SYNPR: variants seen among roughly 807,000 people sequenced by gnomAD.
SYNPR encodes synaptoporin.
In SYNPR, 23 loss-of-function variants were observed where a neutral mutation model predicts 32.9. That is an observed-to-expected ratio of 0.70 (90% confidence interval 0.50 to 0.99). The LOEUF (loss-of-function observed/expected upper bound fraction) is 0.99, where lower values mean the gene tolerates loss of function less well. Ranked by LOEUF, SYNPR falls within the 50% of genes least tolerant of loss-of-function variation. SYNPR has a pLI of 0.00. For missense variants in SYNPR, 318 were observed against 349.3 expected (o/e 0.91, Z 0.71); for synonymous variants, 146 against 135.9 (o/e 1.07, Z -0.52).
At chr3:63,370,947 G>C (rs920391012) in intron 2 of SYNPR, among the ~76,000 whole-genome samples, 2 of 152,170 alleles carry the variant, frequency 1.3e-5, no homozygotes, top group African/African-American at 2.4e-5. Context: ...CAAGATGGCT[G>C]ACTAGAAGGA....
the SYNPR span, among the ~76,000 whole-genome samples, chr3:63,207,370 G>A: frequency 6.6e-6 from 1 of 152,160 alleles, no homozygotes; most frequent in African/African-American, 2.4e-5. Context: ...CTTACAAGTA[G>A]ATTTGAAATC....
At chr3:63,532,104 G>A (rs1358610106) in intron 3 of SYNPR, among the ~76,000 whole-genome samples, 2 of 152,138 alleles carry the variant, frequency 1.3e-5, no homozygotes, top group South Asian at 2.1e-4. Context: ...AATAGAAGAC[G>A]AATGTAAACA....
intron 2 of SYNPR, among the ~76,000 whole-genome samples, chr3:63,262,823 A>G (rs568234007): frequency 1.5e-3 from 227 of 152,332 alleles, no homozygotes; most frequent in Non-Finnish European, 2.4e-3. Context: ...GTTAGAGACC[A>G]CCGTAACTCC....
intron 4 of SYNPR, among the ~76,000 whole-genome samples, chr3:63,567,198 C>A (rs1429887120): frequency 2.6e-5 from 4 of 152,158 alleles, no homozygotes; most frequent in African/African-American, 4.8e-5. Flanking sequence ...ACCACTCTGG[C>A]ACTCAGATCT....
rs1273077455 is a variant in SYNPR at position 63,509,510 on chromosome 3, T to G, written c.209+28554T>G. ...CCAGTTTCTTTGCACATTCCTTGCT[T>G]TTGCCCATAAAGATATACAGCGTAC... is the stretch of plus-strand genomic sequence containing the variant. On this transcript the variant is annotated intron_variant, in intron 3 of 5. Transcript: ENST00000478300. Among the ~76,000 whole-genome samples, 4 of 151,938 alleles carry G rather than the reference T, an allele frequency of 2.6e-5. No individual in the cohort carries two copies. The South Asian group carries it at 8.3e-4, about 32-fold the overall frequency.
intron 2 of SYNPR, among the ~76,000 whole-genome samples, chr3:63,385,569 CT>C (rs1166114305): frequency 6.6e-6 from 1 of 152,146 alleles, no homozygotes; most frequent in Non-Finnish European, 1.5e-5. Context: ...CTGGAAAGTT[CT>C]TTTGCAACTC....
chr3:63,393,491 C>CTTTTTTTTTTT (rs1482584312), intron 2 of SYNPR, among the ~76,000 whole-genome samples: 15 of 116,614 alleles, frequency 1.3e-4, no homozygotes, highest in African/African-American at 4.9e-4. Flanking sequence ...TTCTTTCTTT[C>CTTTTTTTTTTT]TTCTCTTTTT....
intron 3 of SYNPR, among the ~76,000 whole-genome samples, chr3:63,530,152 G>A (rs554635530): frequency 6.6e-6 from 1 of 152,236 alleles, no homozygotes; most frequent in East Asian, 1.9e-4. Flanking sequence ...AGACTGGAAG[G>A]AGATAAAGGA....
At chr3:63,597,228 C>A (rs1647113683) in intron 4 of SYNPR, among the ~76,000 whole-genome samples, 1 of 152,020 alleles carries the variant, frequency 6.6e-6, no homozygotes, top group Admixed American at 6.6e-5. Flanking sequence ...AATTATTATT[C>A]TTTAAATTAA....
At chr3:63,221,799 G>A in the SYNPR span, among the ~76,000 whole-genome samples, 6 of 152,044 alleles carry the variant, frequency 3.9e-5, no homozygotes, top group Admixed American at 3.9e-4. Context: ...TACCTTTTCT[G>A]AGCCTCAGTT....
At chr3:63,529,092 C>G (rs941006921) in intron 3 of SYNPR, among the ~76,000 whole-genome samples, 1 of 141,344 alleles carries the variant, frequency 7.1e-6, no homozygotes, top group African/African-American at 2.6e-5. Flanking sequence ...ACTCTAGGGT[C>G]TGTGTATGAT....
chr3:63,595,782 TATAG>T, intron 4 of SYNPR, among the ~76,000 whole-genome samples: 4 of 54,800 alleles, frequency 7.3e-5, no homozygotes, highest in African/African-American at 2.1e-4. Context: ...TTTATATATA[TATAG>T]TTATATATAT....
At chr3:63,386,374 G>A (rs72883716) in intron 2 of SYNPR, among the ~76,000 whole-genome samples, 2,529 of 152,190 alleles carry the variant, frequency 0.017, 89 homozygotes, top group African/African-American at 0.056. Flanking sequence ...TTCTATTGCC[G>A]CCTGCCATCT....
rs1426660953 is a variant in SYNPR at position 63,451,109 on chromosome 3, C to T, written c.85-29723C>T. Among the ~76,000 whole-genome samples, 6 of 152,002 alleles carry T rather than the reference C, an allele frequency of 3.9e-5. No homozygotes were observed. The East Asian group carries it at 1.2e-3, about 29-fold the overall frequency. On this transcript the variant is annotated intron_variant, in intron 2 of 5. Coordinates refer to ENST00000478300, the MANE Select transcript of SYNPR (RefSeq NM_001130003.2). The stretch of plus-strand genomic sequence containing the variant: ...ATCTGCAAAATGGAAATAATGAGTA[C>T]CATTATGAGTAATAATGAGTAACTT...
chr3:63,226,271 C>T (rs914862221), upstream of SYNPR, among the ~76,000 whole-genome samples: 1 of 151,934 alleles, frequency 6.6e-6, no homozygotes, highest in African/African-American at 2.4e-5. Context: ...ATTAGTACTA[C>T]CAATATGGAA....
chr3:63,333,457 C>T (rs1296706703), intron 2 of SYNPR, among the ~76,000 whole-genome samples: 1 of 152,152 alleles, frequency 6.6e-6, no homozygotes, highest in Non-Finnish European at 1.5e-5. Flanking sequence ...TGTTCTGTAA[C>T]CTAGGCTGGA....
chr3:63,511,272 G>A (rs1701695242), intron 3 of SYNPR, among the ~76,000 whole-genome samples: 1 of 152,024 alleles, frequency 6.6e-6, no homozygotes, highest in Non-Finnish European at 1.5e-5. Flanking sequence ...CAAGTAGGTA[G>A]TTTCTCTGTT....
At chr3:63,344,550 A>AT (rs10627844) in intron 2 of SYNPR, among the ~76,000 whole-genome samples, 10,396 of 130,494 alleles carry the variant, frequency 0.08, 1,086 homozygotes, top group African/African-American at 0.23. Context: ...TTCAAAAAAG[A>AT]TTTTTTTTTT....
At chr3:63,500,457 A>G (rs1366166674) in intron 3 of SYNPR, among the ~76,000 whole-genome samples, 1 of 152,190 alleles carries the variant, frequency 6.6e-6, no homozygotes, top group Non-Finnish European at 1.5e-5. Flanking sequence ...AATGAGTACA[A>G]TATCAGCCCT....
Sources: gnomAD v4.1 joint callset for allele counts (sites outside exome capture counted in the v4.1 genomes callset) on GRCh38, gnomAD v4.1.1 for gene constraint, MANE v1.5 for transcripts, NCBI Gene and HGNC (gene_info 2026-07-23, HGNC 2026-07-21) for gene names.